NME7: variants seen among roughly 807,000 people sequenced by gnomAD.
NME7 encodes NME/NM23 family member 7.
Under a neutral mutation model 49.1 loss-of-function variants are expected in NME7, and 41 were observed. The ratio of observed to expected loss-of-function variants is 0.83; its 90% CI spans 0.65 to 1.08. The LOEUF is 1.08. Among genes scored for constraint, NME7 ranks in the 50% least tolerant of loss-of-function variants. The pLI is 0.00. For missense variants in NME7, 423 were observed against 463.4 expected, an observed-to-expected ratio of 0.91 and a Z score of 0.80; for synonymous variants, 139 against 150.6, an observed-to-expected ratio of 0.92 and a Z score of 0.56.
At position 169,319,586 on chromosome 1, in the gene NME7, G is replaced by C. The variant is rs545092869; in HGVS notation, c.278+3531C>G. On this transcript the variant is annotated intron_variant, in intron 3 of 11. Coordinates refer to ENST00000367811, the MANE Select transcript of NME7 (RefSeq NM_013330.5). ...ATACCATTTCAGTACATCTCCAAGA[G>C]GACAGGAAAATGCATACTGTGACTG... Among the ~76,000 whole-genome samples the C allele has an allele frequency of 7.1e-4, 108 of 152,146 alleles. 1 individual carries two copies. Among genetic ancestry groups the C allele is most frequent in the African/African-American group, 2.4e-3 (100 of 41,510 alleles).
At position 169,312,093 on chromosome 1, in the gene NME7, G is replaced by A. The variant is rs115448900; in HGVS notation, c.279-2013C>T. On this transcript the variant is annotated intron_variant, in intron 3 of 11. Coordinates refer to ENST00000367811, the MANE Select transcript of NME7 (RefSeq NM_013330.5). ...ACAAACCATCCACATATGTAGTGGC[G>A]TAAAACAACAATTTCTCAAGGTTCT... 7.0e-3 allele frequency among the ~76,000 whole-genome samples: 1,069 copies of A among 152,272 alleles called. 15 individuals carry two copies. The highest frequency in any genetic ancestry group is 0.024 in the African/African-American group (988 of 41,550).
intron 10 of NME7, among the ~76,000 whole-genome samples, chr1:169,191,401 A>T (rs925926575): frequency 3.3e-5 from 5 of 152,210 alleles, no homozygotes; most frequent in African/African-American, 1.2e-4. Flanking sequence ...GTCTTTACAG[A>T]GTTTATACTG....
At chr1:169,204,779 T>G (rs1019705752) in intron 10 of NME7, among the ~76,000 whole-genome samples, 1 of 152,152 alleles carries the variant, frequency 6.6e-6, no homozygotes, top group African/African-American at 2.4e-5. Flanking sequence ...AGTAATGCCT[T>G]GACTACCACT....
intron 10 of NME7, among the ~76,000 whole-genome samples, chr1:169,176,243 C>A (rs577573123): frequency 6.6e-6 from 1 of 152,298 alleles, no homozygotes; most frequent in South Asian, 2.1e-4. Flanking sequence ...CCAGAGGCTA[C>A]TTTCTGCTAA....
At chr1:169,322,179 T>C (rs550175763) in intron 3 of NME7, 1 of 152,364 alleles carries the variant, frequency 6.6e-6, no homozygotes, top group Admixed American at 6.5e-5. Flanking sequence ...TTTTCAGCTG[T>C]ATCTACAAGT....
chr1:169,309,519 C>T (rs891014870), intron 4 of NME7, among the ~76,000 whole-genome samples: 3 of 152,180 alleles, frequency 2.0e-5, no homozygotes, highest in Admixed American at 6.5e-5. Flanking sequence ...CACTGCGATT[C>T]ACCATCAATT....
At chr1:169,275,896 G>A (rs1332783725) in intron 7 of NME7, among the ~76,000 whole-genome samples, 1 of 133,508 alleles carries the variant, frequency 7.5e-6, no homozygotes, top group East Asian at 2.0e-4. Flanking sequence ...TTAGCATGAA[G>A]GGTTGTTGAA....
At chr1:169,167,433 T>A (rs1377747853) in intron 11 of NME7, among the ~76,000 whole-genome samples, 1 of 152,134 alleles carries the variant, frequency 6.6e-6, no homozygotes, top group Non-Finnish European at 1.5e-5. Flanking sequence ...ATCAACCATT[T>A]TTCTTCATTT....
In NME7 at chr1:169,261,705, C is replaced by G. The variant is rs1279053947; in HGVS notation, c.755-24018G>C. ...AAGGAAATGCAAGATGGTCCCTGCC[C>G]AGAATTTCTCATAAGTGGCTCTTGT... On this transcript the variant is annotated intron_variant, in intron 7 of 11. Transcript: ENST00000367811. 2.2e-5 allele frequency among the ~76,000 whole-genome samples: 3 copies of G among 133,668 alleles called. 1 individual carries two copies. The highest frequency in any genetic ancestry group is 5.3e-5 in the Non-Finnish European group (3 of 56,922). The allele number at this position is 133,668 out of a possible 152,430, so 87.7% of individuals were successfully genotyped here.
At chr1:169,211,999 TCA>T (rs1444599639) in intron 10 of NME7, among the ~76,000 whole-genome samples, 1 of 152,124 alleles carries the variant, frequency 6.6e-6, no homozygotes, top group Non-Finnish European at 1.5e-5. Flanking sequence ...CTTTTTATAT[TCA>T]CAGAGAGAGT....
chr1:169,267,871 A>C (rs1353981864), intron 7 of NME7, among the ~76,000 whole-genome samples: 1 of 134,218 alleles, frequency 7.5e-6, no homozygotes. Context: ...CATTTTGTAC[A>C]TAGGAACTGG....
chr1:169,136,983 G>T (rs1203303231), intron 11 of NME7, among the ~76,000 whole-genome samples: 1 of 152,210 alleles, frequency 6.6e-6, no homozygotes, highest in African/African-American at 2.4e-5. Context: ...AACACTTAGA[G>T]AATCTATCGC....
chr1:169,249,367 C>T (rs1244338448), intron 7 of NME7, among the ~76,000 whole-genome samples: 2 of 151,978 alleles, frequency 1.3e-5, no homozygotes, highest in Non-Finnish European at 2.9e-5. Flanking sequence ...TTTGTCAAAT[C>T]CAGGAGTCTT....
At chr1:169,308,703 CTTTG>C (rs1459186698) in intron 4 of NME7, among the ~76,000 whole-genome samples, 1 of 152,032 alleles carries the variant, frequency 6.6e-6, no homozygotes. Context: ...TTTCCCTATC[CTTTG>C]TTTGTACGTT....
At chr1:169,241,252 C>T (rs71635612) in intron 7 of NME7, among the ~76,000 whole-genome samples, 1 of 151,684 alleles carries the variant, frequency 6.6e-6, no homozygotes, top group Non-Finnish European at 1.5e-5. Context: ...TTTTTTTCCC[C>T]CTGCAGATGC....
At chr1:169,146,455 A>T (rs1218131501) in intron 11 of NME7, among the ~76,000 whole-genome samples, 2 of 152,214 alleles carry the variant, frequency 1.3e-5, no homozygotes, top group Non-Finnish European at 2.9e-5. Context: ...GTATGACATA[A>T]TTTAGCAATA....
At chr1:169,316,145 T>C (rs1040720961) in intron 3 of NME7, among the ~76,000 whole-genome samples, 2 of 151,924 alleles carry the variant, frequency 1.3e-5, no homozygotes, top group Non-Finnish European at 2.9e-5. Context: ...TGAACAAATG[T>C]TTAGGTAAAT....
chr1:169,268,517 A>G (rs1558014882), intron 7 of NME7, among the ~76,000 whole-genome samples: 1 of 134,132 alleles, frequency 7.5e-6, no homozygotes, highest in Non-Finnish European at 1.8e-5. Context: ...TCACAATAGT[A>G]AAGACATAAA....
intron 11 of NME7, among the ~76,000 whole-genome samples, chr1:169,149,974 C>T (rs1571244431): frequency 1.3e-5 from 2 of 152,096 alleles, no homozygotes; most frequent in East Asian, 3.8e-4. Context: ...GACTTTGGGT[C>T]CCTTCATGAT....
Sources: allele counts gnomAD v4.1 joint callset (sites outside exome capture counted in the v4.1 genomes callset), GRCh38; gene constraint gnomAD v4.1.1; transcripts MANE v1.5; gene names NCBI Gene and HGNC (gene_info 2026-07-23, HGNC 2026-07-21).